Variants in PCDH15 observed in about 807,000 individuals in gnomAD.
PCDH15 encodes protocadherin-15.
In PCDH15, 129 loss-of-function variants were observed where a neutral mutation model predicts 178.5. The observed-to-expected ratio is 0.72, with a 90% CI of 0.63 to 0.84. The LOEUF (loss-of-function observed/expected upper bound fraction) is 0.84. Ranked by LOEUF, PCDH15 falls within the 40% of genes least tolerant of loss-of-function variation. PCDH15 has a pLI of 0.00. For missense variants in PCDH15, 2,230 were observed against 2,099.9 expected (o/e 1.06, Z -1.21); for synonymous variants, 800 against 732.0 (o/e 1.09, Z -1.50).
chr10:54,251,842 A>G (rs996119256), intron 8 of PCDH15, among the ~76,000 whole-genome samples: 2 of 151,620 alleles, frequency 1.3e-5, no homozygotes, highest in East Asian at 1.9e-4. Context: ...TTCTGTATCA[A>G]TATCTTTATT....
In PCDH15 at chr10:54,410,268, C is replaced by T. The variant is rs1365867302; in HGVS notation, c.158-31326G>A. On this transcript the variant is annotated intron_variant, in intron 3 of 37. Transcript: ENST00000644397. ...TAGTTCTTATTCATATGCACACAAG[C>T]CTAAGGGGAAAAATTCAGGCTCATC... Among the ~76,000 whole-genome samples the T allele has an allele frequency of 2.0e-5, 3 of 151,986 alleles. No individual in the cohort carries two copies. The East Asian group carries it at 5.8e-4, about 29-fold the overall frequency.
rs182799968 is a variant in PCDH15 at position 54,496,896 on chromosome 10, T to C, written c.157+30916A>G. Among the ~76,000 whole-genome samples, 386 of 152,292 alleles carry C rather than the reference T, an allele frequency of 2.5e-3. 1 individual carries two copies. Among genetic ancestry groups the C allele is most frequent in the Non-Finnish European group, 4.2e-3 (286 of 68,018 alleles). On this transcript the variant is annotated intron_variant, in intron 3 of 37. Coordinates refer to ENST00000644397, the MANE Select transcript of PCDH15 (RefSeq NM_001384140.1). ...ATCCATAACTTTACCCGTTCTGTAT[T>C]ATTGTACATAGAGAGGGTAATGTAT...
At chr10:54,318,818 T>A (rs925666422) in intron 7 of PCDH15, among the ~76,000 whole-genome samples, 1 of 152,206 alleles carries the variant, frequency 6.6e-6, no homozygotes, top group African/African-American at 2.4e-5. Flanking sequence ...CAAAAGTATA[T>A]GATTAATATG....
chr10:54,866,729 G>A (rs1591752329), intron 3 of PCDH15, among the ~76,000 whole-genome samples: 1 of 152,154 alleles, frequency 6.6e-6, no homozygotes, highest in Non-Finnish European at 1.5e-5. Context: ...AGACAGAAAA[G>A]TTATGTTACA....
intron 2 of PCDH15, among the ~76,000 whole-genome samples, chr10:55,575,258 T>A (rs1019810608): frequency 5.3e-5 from 8 of 152,244 alleles, no homozygotes; most frequent in Admixed American, 3.3e-4. Flanking sequence ...TTGGTTAATA[T>A]GTCAAATTTG....
At chr10:55,385,359 A>G (rs1027108753) in intron 2 of PCDH15, among the ~76,000 whole-genome samples, 4 of 152,030 alleles carry the variant, frequency 2.6e-5, no homozygotes, top group Non-Finnish European at 5.9e-5. Flanking sequence ...CTTTTAGTTC[A>G]GCCATTTCAG....
chr10:54,165,337 A>G (rs951458823), intron 13 of PCDH15, among the ~76,000 whole-genome samples: 1 of 152,188 alleles, frequency 6.6e-6, no homozygotes, highest in African/African-American at 2.4e-5. Context: ...TAACATTAAT[A>G]ATAACATGAT....
At chr10:54,734,056 G>GA (rs1168285392) in intron 1 of PCDH15, among the ~76,000 whole-genome samples, 5 of 150,724 alleles carry the variant, frequency 3.3e-5, no homozygotes, top group East Asian at 3.9e-4. Flanking sequence ...AATATCAAGA[G>GA]AAAAAACATT....
At chr10:54,143,421 A>G (rs1435103088) in intron 14 of PCDH15, among the ~76,000 whole-genome samples, 4 of 152,140 alleles carry the variant, frequency 2.6e-5, no homozygotes, top group Non-Finnish European at 5.9e-5. Flanking sequence ...TCAAAAAGTG[A>G]CTTATAATCA....
chr10:55,319,212 A>G (rs933421184), intron 1 of PCDH15, among the ~76,000 whole-genome samples: 3 of 152,200 alleles, frequency 2.0e-5, no homozygotes, highest in African/African-American at 7.2e-5. Context: ...TCTGTGAGTG[A>G]ATCACAGAAG....
intron 3 of PCDH15, among the ~76,000 whole-genome samples, chr10:54,854,371 TAC>T (rs1277371961): frequency 6.6e-6 from 1 of 152,202 alleles, no homozygotes; most frequent in East Asian, 1.9e-4. Flanking sequence ...CTATTTGTGT[TAC>T]AGTTATTTTA....
chr10:54,696,170 G>T (rs76946228), intron 1 of PCDH15, among the ~76,000 whole-genome samples: 2 of 151,914 alleles, frequency 1.3e-5, no homozygotes, highest in African/African-American at 4.8e-5. Context: ...TATAGGAGGA[G>T]ATCAAATAAC....
intron 3 of PCDH15, among the ~76,000 whole-genome samples, chr10:54,841,407 G>T (rs574252535): frequency 2.6e-5 from 4 of 151,784 alleles, no homozygotes; most frequent in Non-Finnish European, 5.9e-5. Context: ...CACAGCAAAA[G>T]CTGTCCTAAG....
chr10:55,608,072 G>T (rs560795335), intron 2 of PCDH15, among the ~76,000 whole-genome samples: 1 of 152,184 alleles, frequency 6.6e-6, no homozygotes, highest in South Asian at 2.1e-4. Flanking sequence ...CCTTTGGTTT[G>T]TAGATAAAGA....
chr10:54,700,060 C>G (rs1033143826), intron 1 of PCDH15, among the ~76,000 whole-genome samples: 2 of 152,088 alleles, frequency 1.3e-5, no homozygotes, highest in African/African-American at 4.8e-5. Context: ...AGGGGCCTGG[C>G]ATTAGCCCCC....
chr10:55,272,293 T>G (rs1168817874), intron 1 of PCDH15, among the ~76,000 whole-genome samples: 2 of 151,782 alleles, frequency 1.3e-5, no homozygotes, highest in Non-Finnish European at 2.9e-5. Flanking sequence ...TATTAAATTC[T>G]TACGTTGCCT....
At chr10:55,301,413 C>T (rs1843275442) in intron 1 of PCDH15, among the ~76,000 whole-genome samples, 1 of 151,922 alleles carries the variant, frequency 6.6e-6, no homozygotes, top group Non-Finnish European at 1.5e-5. Flanking sequence ...TGGCAAATTA[C>T]CTATTTCTGT....
At chr10:54,503,129 G>A (rs915039898) in intron 3 of PCDH15, among the ~76,000 whole-genome samples, 2 of 150,784 alleles carry the variant, frequency 1.3e-5, no homozygotes, top group African/African-American at 4.9e-5. Flanking sequence ...AGGTATGCAG[G>A]GGATGTCTCT....
intron 3 of PCDH15, among the ~76,000 whole-genome samples, chr10:54,436,553 G>T (rs2075432669): frequency 6.6e-6 from 1 of 152,076 alleles, no homozygotes; most frequent in African/African-American, 2.4e-5. Flanking sequence ...GGCCATTATA[G>T]CTCTGGAAAT....
Sources: allele counts gnomAD v4.1 joint callset (sites outside exome capture counted in the v4.1 genomes callset), GRCh38; gene constraint gnomAD v4.1.1; transcripts MANE v1.5; gene names NCBI Gene and HGNC (gene_info 2026-07-23, HGNC 2026-07-21).